Variants in C4orf36 observed in about 807,000 individuals in gnomAD.
The protein encoded by C4orf36 is uncharacterized protein C4orf36.
C4orf36 carries 11 observed loss-of-function variants against 12.2 expected under a neutral mutation model. The ratio of observed to expected loss-of-function variants is 0.90; its 90% CI spans 0.57 to 1.49. The LOEUF (loss-of-function observed/expected upper bound fraction) is 1.49. Among genes scored for constraint, C4orf36 ranks in the 40% most tolerant of loss-of-function variants. The pLI is 0.00. For missense variants in C4orf36, 137 were observed against 133.9 expected (o/e 1.02, Z -0.11); for synonymous variants, 54 against 51.3 (o/e 1.05, Z -0.22).
chr4:86,885,947 T>C (rs1419108263), intron 4 of C4orf36, among the ~76,000 whole-genome samples: 1 of 152,218 alleles, frequency 6.6e-6, no homozygotes, highest in Admixed American at 6.5e-5. Context: ...TCTGCATCTA[T>C]GGAGATAATC....
the C4orf36 span, among the ~76,000 whole-genome samples, chr4:86,901,036 G>A: frequency 2.7e-5 from 4 of 150,532 alleles, no homozygotes; most frequent in African/African-American, 9.8e-5. Flanking sequence ...CCAGGCTGGA[G>A]TGCAGCAGTG....
the C4orf36 span, among the ~76,000 whole-genome samples, chr4:86,909,735 C>T: frequency 6.6e-6 from 1 of 152,064 alleles, no homozygotes; most frequent in Admixed American, 6.5e-5. Flanking sequence ...ATCCCCTGCC[C>T]AACTGTGCCA....
the C4orf36 span, among the ~76,000 whole-genome samples, chr4:86,898,942 C>A: frequency 2.0e-5 from 3 of 151,936 alleles, no homozygotes; most frequent in Non-Finnish European, 4.4e-5. Flanking sequence ...GAAATCTGAA[C>A]CTGCCAGGCA....
the C4orf36 span, chr4:86,932,118 G>C: frequency 6.6e-6 from 1 of 152,036 alleles, no homozygotes; most frequent in South Asian, 2.1e-4. Context: ...AGGCGAAGAT[G>C]GGCAGATAAC....
chr4:86,898,715 G>A, the C4orf36 span, among the ~76,000 whole-genome samples: 5 of 151,938 alleles, frequency 3.3e-5, no homozygotes, highest in East Asian at 1.9e-4. Flanking sequence ...AGACTGAGGC[G>A]AGAGAATTGT....
the C4orf36 span, among the ~76,000 whole-genome samples, chr4:86,903,645 A>G: frequency 3.9e-5 from 6 of 152,208 alleles, no homozygotes; most frequent in Non-Finnish European, 8.8e-5. Context: ...CAAAGCTCCC[A>G]TACCATCGAA....
chr4:86,917,504 G>C, the C4orf36 span, among the ~76,000 whole-genome samples: 2 of 139,346 alleles, frequency 1.4e-5, no homozygotes, highest in Non-Finnish European at 3.1e-5. Context: ...GAGAAAGAAA[G>C]AGAAAAAGAA....
chr4:86,935,971 T>A, the C4orf36 span: 7 of 151,360 alleles, frequency 4.6e-5, no homozygotes, highest in Middle Eastern at 3.4e-3. Flanking sequence ...AGGTGGAGAG[T>A]GTGAATCACA....
intron 4 of C4orf36, among the ~76,000 whole-genome samples, chr4:86,880,795 A>G (rs1747034828): frequency 6.6e-6 from 1 of 152,198 alleles, no homozygotes; most frequent in Admixed American, 6.5e-5. Flanking sequence ...TAGTCCTAGC[A>G]CTTTGGGAGG....
the C4orf36 span, among the ~76,000 whole-genome samples, chr4:86,931,828 G>A: frequency 6.6e-6 from 1 of 151,962 alleles, no homozygotes; most frequent in Non-Finnish European, 1.5e-5. Flanking sequence ...GAGGTCAGGA[G>A]ATTGAGACCA....
intron 4 of C4orf36, among the ~76,000 whole-genome samples, chr4:86,879,552 C>T (rs1231683376): frequency 2.0e-5 from 3 of 152,052 alleles, no homozygotes; most frequent in Non-Finnish European, 4.4e-5. Flanking sequence ...AGAACACCAT[C>T]AAACAGACCA....
At chr4:86,905,379 G>T in the C4orf36 span, among the ~76,000 whole-genome samples, 21 of 150,902 alleles carry the variant, frequency 1.4e-4, no homozygotes, top group East Asian at 1.6e-3. Flanking sequence ...ACTCCATCTC[G>T]AAATAAATAA....
intron 4 of C4orf36, among the ~76,000 whole-genome samples, chr4:86,879,541 T>C (rs1009720566): frequency 1.1e-4 from 16 of 152,182 alleles, no homozygotes; most frequent in African/African-American, 1.7e-4. Flanking sequence ...AAAATACTTA[T>C]AGAACACCAT....
At chr4:86,879,564 T>C (rs1325819314) in intron 4 of C4orf36, among the ~76,000 whole-genome samples, 2 of 151,918 alleles carry the variant, frequency 1.3e-5, no homozygotes. Context: ...AACAGACCAA[T>C]ATATGCATGA....
chr4:86,896,235 A>G (rs1287249140), upstream of C4orf36, among the ~76,000 whole-genome samples: 3 of 152,292 alleles, frequency 2.0e-5, no homozygotes, highest in Middle Eastern at 3.4e-3. Context: ...ACTGCACTAC[A>G]TATTCTCCCA....
At chr4:86,890,258 A>T in intron 2 of C4orf36, 2 of 385,806 alleles carry the variant, frequency 5.2e-6, no homozygotes, top group South Asian at 1.9e-5. Flanking sequence ...TGCAGAGAAC[A>T]ACTTGCCCAA....
intron 4 of C4orf36, among the ~76,000 whole-genome samples, chr4:86,878,306 A>G (rs1746973425): frequency 6.6e-6 from 1 of 152,152 alleles, no homozygotes; most frequent in Admixed American, 6.5e-5. Context: ...CATTTATGCT[A>G]CTGACTCGAT....
the C4orf36 span, chr4:86,914,324 T>C: frequency 6.4e-7 from 1 of 1,566,228 alleles, no homozygotes; most frequent in Non-Finnish European, 8.8e-7. Flanking sequence ...AGTCAATACC[T>C]GTGATATGTC....
the C4orf36 span, among the ~76,000 whole-genome samples, chr4:86,912,347 T>G: frequency 6.6e-6 from 1 of 152,200 alleles, no homozygotes; most frequent in South Asian, 2.1e-4. Flanking sequence ...TCTTATAATA[T>G]CCCATTTGGA....
Sources: allele counts gnomAD v4.1 joint callset (sites outside exome capture counted in the v4.1 genomes callset), GRCh38; gene constraint gnomAD v4.1.1; transcripts MANE v1.5; gene names NCBI Gene and HGNC (gene_info 2026-07-23, HGNC 2026-07-21).